Variants in PRMT2 observed in about 807,000 individuals in gnomAD.
The protein encoded by PRMT2 is protein arginine methyltransferase 2.
Under a neutral mutation model 57.6 loss-of-function variants are expected in PRMT2, and 26 were observed. That is an observed-to-expected ratio of 0.45 (90% CI 0.33 to 0.63). The LOEUF (loss-of-function observed/expected upper bound fraction) is 0.63, where lower values mean the gene tolerates loss of function less well. Ranked by LOEUF, PRMT2 falls within the 20% of genes least tolerant of loss-of-function variation. The pLI, the probability that PRMT2 is intolerant of heterozygous loss-of-function variation, is 0.02. For synonymous variants in PRMT2, 219 were observed against 220.0 expected, an observed-to-expected ratio of 1.00 and a Z score of 0.04; for missense variants, 472 against 564.4, an observed-to-expected ratio of 0.84 and a Z score of 1.66.
At chr21:46,661,509 C>A (rs1370873891) in intron 9 of PRMT2, 1 of 250,264 alleles carries the variant, frequency 4.0e-6, no homozygotes, top group South Asian at 1.7e-4. Context: ...GTGGAAAGGC[C>A]CAGCCTGGAG....
At chr21:46,640,665 A>G (rs1601915741) in intron 3 of PRMT2, among the ~76,000 whole-genome samples, 1 of 147,880 alleles carries the variant, frequency 6.8e-6, no homozygotes, top group Non-Finnish European at 1.5e-5. Flanking sequence ...CTGGTCTCAA[A>G]CTTCTGATCT....
In PRMT2 at chr21:46,643,515, C is replaced by T. The variant is rs767801284; in HGVS notation, c.40-20C>T. On this transcript the variant is annotated intron_variant, in intron 3 of 11. Coordinates refer to ENST00000355680, the MANE Select transcript of PRMT2 (RefSeq NM_206962.4). ...AAAGCTCCAGCGTCCTCTCCTCACG[C>T]TTTCCTTGGCTTTGAGCAGGGAGAA... 8 of 1,514,204 alleles carry T rather than the reference C, an allele frequency of 5.3e-6. No individual in the cohort carries two copies. In the South Asian group the frequency reaches 1.0e-4, roughly 20 times the overall value. 93.8% of individuals were successfully genotyped at this position (1,514,204 alleles called of 1,614,324 possible).
At chr21:46,646,219 C>G (rs1450393531) in intron 5 of PRMT2, among the ~76,000 whole-genome samples, 7 of 152,218 alleles carry the variant, frequency 4.6e-5, no homozygotes, top group Non-Finnish European at 8.8e-5. Flanking sequence ...TTGACTAACT[C>G]TGCAGATACT....
At chr21:46,635,986 A>C (rs554802989) in intron 1 of PRMT2, 1 of 151,698 alleles carries the variant, frequency 6.6e-6, no homozygotes, top group African/African-American at 2.4e-5. Context: ...CTTCCCGGCC[A>C]CTCCCGCCGT....
chr21:46,658,712 T>C, intron 7 of PRMT2, 33 bp from the exon 8 acceptor site: 1 of 1,607,996 alleles, frequency 6.2e-7, no homozygotes, highest in South Asian at 1.1e-5. Flanking sequence ...GGGCCTGTGA[T>C]GTGTCTCCTG....
chr21:46,648,565 C>T lies in PRMT2; in HGVS notation c.435C>T (p.Gly145=), dbSNP rs766872339. Residue 145 remains glycine (G), a synonymous_variant, in exon 6 of 12, where the codon GGC becomes GGT. Coordinates refer to ENST00000355680, the MANE Select transcript of PRMT2 (RefSeq NM_206962.4). This position sits in a 1 kb window ranked among gnomAD's most constrained non-coding sequence, Gnocchi z 4.8. ...SLTDKVILDV[G]CGTGIISLFC... ...CGGATAAAGTCATCCTGGACGTGGG[C>T]TGTGGGACTGGGATCATCAGTCTCT... 4.3e-6 allele frequency: 7 copies of T among 1,614,244 alleles called. No individual in the cohort carries two copies. In the East Asian group the frequency reaches 1.6e-4, roughly 36 times the overall value.
At chr21:46,652,151 C>A in intron 7 of PRMT2, 1 of 1,440,728 alleles carries the variant, frequency 6.9e-7, no homozygotes, top group Non-Finnish European at 9.1e-7. Context: ...AGAGGCCCTT[C>A]TTCACACCAT....
chr21:46,643,513 C>A, intron 3 of PRMT2, 22 bp from the exon 4 acceptor site: 1 of 1,507,490 alleles, frequency 6.6e-7, no homozygotes, highest in Non-Finnish European at 8.8e-7. Flanking sequence ...CCTCTCCTCA[C>A]GCTTTCCTTG....
chr21:46,663,902 C>T (rs1419082000), intron 11 of PRMT2, among the ~76,000 whole-genome samples: 1 of 152,176 alleles, frequency 6.6e-6, no homozygotes, highest in African/African-American at 2.4e-5. Context: ...GCTCCCTTTA[C>T]ACAGGCCTCT....
intron 7 of PRMT2, chr21:46,654,108 C>G: frequency 2.0e-6 from 2 of 985,526 alleles, no homozygotes; most frequent in Non-Finnish European, 2.4e-6. Flanking sequence ...CAGCTGGACC[C>G]AGAGACCAGG....
At chr21:46,652,688 A>G in intron 7 of PRMT2, 1 of 985,432 alleles carries the variant, frequency 1.0e-6, no homozygotes, top group Non-Finnish European at 1.2e-6. Context: ...GAATAAGTCA[A>G]AGAGCATTAA....
At chr21:46,651,792 CT>C (rs1240668451) in intron 7 of PRMT2, 1 of 1,612,796 alleles carries the variant, frequency 6.2e-7, no homozygotes. Flanking sequence ...CCCACCTTCA[CT>C]TTCCGTCCCC....
chr21:46,636,944 A>G lies in PRMT2; in HGVS notation c.-8A>G. The G allele has an allele frequency of 6.2e-7, 1 of 1,613,400 alleles. No homozygotes were observed. The highest frequency in any genetic ancestry group is 8.5e-7 in the Non-Finnish European group (1 of 1,179,720). ...ATCAGCAGTTATGAGGCAGAGCCTA[A>G]GAGAACTATGGCAACATCAGGTGAC... On this transcript the variant is annotated 5_prime_UTR_variant, in exon 3 of 12. Transcript: ENST00000355680.
intron 5 of PRMT2, among the ~76,000 whole-genome samples, chr21:46,645,504 C>T (rs997779965): frequency 6.6e-6 from 1 of 152,026 alleles, no homozygotes. Flanking sequence ...AATAGCTTAC[C>T]GAAATTTTTT....
At chr21:46,638,726 C>A (rs1180051860) in intron 3 of PRMT2, among the ~76,000 whole-genome samples, 1 of 152,152 alleles carries the variant, frequency 6.6e-6, no homozygotes, top group South Asian at 2.1e-4. Flanking sequence ...TTGTGTTCAT[C>A]CTGTTAATAC....
intron 3 of PRMT2, among the ~76,000 whole-genome samples, chr21:46,639,587 C>A (rs2061233947): frequency 6.9e-6 from 1 of 145,352 alleles, no homozygotes; most frequent in Non-Finnish European, 1.5e-5. Flanking sequence ...AAACATCTGT[C>A]TTTTTACCTG....
intron 10 of PRMT2, among the ~76,000 whole-genome samples, chr21:46,663,179 T>A (rs1254158083): frequency 6.6e-6 from 1 of 152,158 alleles, no homozygotes; most frequent in Non-Finnish European, 1.5e-5. Flanking sequence ...TAGAGTCCCT[T>A]TAGATCACAG....
intron 10 of PRMT2, 134 bp from the exon 11 acceptor site, chr21:46,663,249 C>A: frequency 1.3e-6 from 1 of 778,616 alleles, no homozygotes. Flanking sequence ...TGTCCCCAGG[C>A]CCTCAGGGTG....
chr21:46,660,329 T>G (rs1439449425), intron 8 of PRMT2, among the ~76,000 whole-genome samples: 1 of 152,222 alleles, frequency 6.6e-6, no homozygotes, highest in Non-Finnish European at 1.5e-5. Flanking sequence ...CTCCTGAAAC[T>G]CAGACTCACT....
Sources: gnomAD v4.1 joint callset for allele counts (sites outside exome capture counted in the v4.1 genomes callset) on GRCh38, gnomAD v4.1.1 for gene constraint, Gnocchi (gnomAD v3.1) non-coding constraint, MANE v1.5 for transcripts, NCBI Gene and HGNC (gene_info 2026-07-23, HGNC 2026-07-21) for gene names.